Variants in PKHD1 observed in about 807,000 individuals in gnomAD.
The protein encoded by PKHD1 is fibrocystin.
In PKHD1, 291 loss-of-function variants were observed where a neutral mutation model predicts 412.0. The observed-to-expected ratio is 0.71, with a 90% CI of 0.64 to 0.78. PKHD1 has a LOEUF of 0.78. Among genes scored for constraint, PKHD1 ranks in the 30% least tolerant of loss-of-function variants. The probability of loss-of-function intolerance (pLI) is 0.00; values close to 1 mark genes in which losing one functional copy is unlikely to be tolerated. For missense variants in PKHD1, 4,825 were observed against 4,950.7 expected (o/e 0.97, Z 0.76); for synonymous variants, 1,777 against 1,821.5 (o/e 0.98, Z 0.62).
At chr6:51,697,518 G>A (rs1319783489) in intron 60 of PKHD1, among the ~76,000 whole-genome samples, 2 of 152,186 alleles carry the variant, frequency 1.3e-5, no homozygotes, top group Non-Finnish European at 1.5e-5. Flanking sequence ...AATTGTATGA[G>A]GCTGTTCTGT....
At chr6:51,814,843 A>G (rs1765202150) in intron 52 of PKHD1, among the ~76,000 whole-genome samples, 1 of 152,190 alleles carries the variant, frequency 6.6e-6, no homozygotes, top group South Asian at 2.1e-4. Flanking sequence ...TTCATCAAGA[A>G]AAGGAACGAA....
intron 31 of PKHD1, among the ~76,000 whole-genome samples, chr6:52,026,589 AACTT>A (rs1435449407): frequency 6.6e-6 from 1 of 152,194 alleles, no homozygotes; most frequent in Non-Finnish European, 1.5e-5. Context: ...GTATACATTC[AACTT>A]ATATGCTAAT....
chr6:51,883,346 C>G, intron 45 of PKHD1, 119 bp from the exon 46 acceptor site: 6 of 922,904 alleles, frequency 6.5e-6, no homozygotes, highest in South Asian at 4.2e-5. Flanking sequence ...ATTAAAGCAC[C>G]TTTTGTCCAT....
intron 53 of PKHD1, among the ~76,000 whole-genome samples, chr6:51,781,422 T>C (rs1791986275): frequency 6.6e-6 from 1 of 152,158 alleles, no homozygotes; most frequent in Non-Finnish European, 1.5e-5. Context: ...TCATTTTTAA[T>C]GAGGCCTCTC....
intron 54 of PKHD1, among the ~76,000 whole-genome samples, chr6:51,773,225 T>C (rs1314690880): frequency 1.3e-5 from 2 of 152,030 alleles, no homozygotes; most frequent in East Asian, 3.9e-4. Context: ...TTGGAGCTAT[T>C]AGCTTTATGT....
chr6:51,641,792 A>G (rs1769389847), intron 63 of PKHD1, among the ~76,000 whole-genome samples: 1 of 152,200 alleles, frequency 6.6e-6, no homozygotes, highest in African/African-American at 2.4e-5. Context: ...TAACACAGGA[A>G]CAGAAAACCA....
chr6:51,623,583 C>CTATTTTTT (rs1554164761), intron 66 of PKHD1, among the ~76,000 whole-genome samples: 5 of 151,756 alleles, frequency 3.3e-5, no homozygotes, highest in African/African-American at 9.7e-5. Context: ...TTTTATTTAT[C>CTATTTTTT]TATTTTTTTT....
chr6:52,055,476 G>A, intron 19 of PKHD1, 111 bp downstream of exon 19: 1 of 1,223,644 alleles, frequency 8.2e-7, no homozygotes, highest in Non-Finnish European at 1.2e-6. Context: ...GAAACACCTT[G>A]GGCAGATCAC....
chr6:51,778,033 A>C (rs1271639702), intron 53 of PKHD1, among the ~76,000 whole-genome samples: 3 of 152,130 alleles, frequency 2.0e-5, no homozygotes, highest in Non-Finnish European at 4.4e-5. Flanking sequence ...AATACATGCT[A>C]TTGCAACATA....
At chr6:51,718,681 T>C (rs1781552581) in intron 60 of PKHD1, among the ~76,000 whole-genome samples, 1 of 152,144 alleles carries the variant, frequency 6.6e-6, no homozygotes, top group Admixed American at 6.6e-5. Context: ...ATAGAGATGG[T>C]CTCAATGAAA....
In PKHD1 at chr6:51,847,792, C is replaced by T. The variant is rs794727747; in HGVS notation, c.8090G>A (p.Arg2697Lys). The change falls in exon 50 of 67, where the codon AGG becomes AAG. Residue 2697 changes from arginine to lysine, a missense_variant. Physicochemically the swap from Arg to Lys is conservative, Grantham distance 26. Transcript: ENST00000371117. ...ATACTTACCCAGATAGGTGAGTTGC[C>T]TCAGCTGGCTATTGAAGAACCAGTC... ...GCDWFFNSQL[R>K]QLTYLVSGEG... The T allele has an allele frequency of 6.2e-7, 1 of 1,613,522 alleles. No individual in the cohort carries two copies. Among genetic ancestry groups the T allele is most frequent in the Admixed American group, 1.7e-5 (1 of 60,014 alleles).
rs1286456861 is a variant in PKHD1 at position 51,791,344 on chromosome 6, G to A, written c.8332C>T (p.Pro2778Ser). 3.7e-6 allele frequency: 6 copies of A among 1,613,522 alleles called. No individual in the cohort carries two copies. In the Admixed American group the frequency reaches 1.0e-4, roughly 27 times the overall value. ...NRTVLVDTDL[P>S]FFKGLYVMGT... ...ATCACATACAGCCCTTTGAAGAATG[G>A]AAGATCTGTATCCACAAGGACAGTT... The change falls in exon 53 of 67, where the codon CCA becomes TCA. Residue 2778 changes from proline to serine, a missense_variant. Coordinates refer to ENST00000371117, the MANE Select transcript of PKHD1 (RefSeq NM_138694.4).
intron 65 of PKHD1, 49 bp downstream of exon 65, chr6:51,632,516 A>G: frequency 2.1e-6 from 3 of 1,455,688 alleles, no homozygotes; most frequent in Non-Finnish European, 2.9e-6. Context: ...ATGTATGATG[A>G]CTTTTTTTTC....
intron 50 of PKHD1, among the ~76,000 whole-genome samples, chr6:51,845,071 T>C (rs1241543959): frequency 6.6e-6 from 1 of 152,136 alleles, no homozygotes; most frequent in Non-Finnish European, 1.5e-5. Flanking sequence ...TACAATCTAA[T>C]CAATATATAA....
rs750754970 is a variant in PKHD1 at position 51,659,789 on chromosome 6, G to A, written c.10337C>T (p.Ala3446Val). 5 of 1,613,176 alleles carry A rather than the reference G, an allele frequency of 3.1e-6. No individual in the cohort carries two copies. In the Admixed American group the frequency reaches 8.3e-5, roughly 27 times the overall value. Residue 3446 changes from alanine to valine, a missense_variant, in exon 61 of 67, where the codon GCC becomes GTC. Transcript: ENST00000371117. The part of the protein sequence containing the change: ...GFVDVFSSVN[A>V]NIPCSTSGSV... ...CCCAGAAGTAGAGCAGGGAATATTGGCATTTACACTGCTAAAGACATCAAC... is the reference window on the plus strand; with the variant it reads ...CCCAGAAGTAGAGCAGGGAATATTGACATTTACACTGCTAAAGACATCAAC...
chr6:51,834,546 A>G (rs993683783), intron 51 of PKHD1, among the ~76,000 whole-genome samples: 1 of 152,084 alleles, frequency 6.6e-6, no homozygotes, highest in African/African-American at 2.4e-5. Context: ...GTGTTAACTC[A>G]TTCATTCATT....
At chr6:52,013,691 T>C (rs1337951177) in intron 34 of PKHD1, among the ~76,000 whole-genome samples, 2 of 152,074 alleles carry the variant, frequency 1.3e-5, no homozygotes, top group Admixed American at 6.5e-5. Flanking sequence ...ACATATTTAC[T>C]TTGGGGGATA....
At chr6:51,899,899 A>G (rs927819320) in intron 43 of PKHD1, among the ~76,000 whole-genome samples, 1 of 152,164 alleles carries the variant, frequency 6.6e-6, no homozygotes, top group African/African-American at 2.4e-5. Context: ...CCAAATCATG[A>G]GTGAACTCCC....
intron 36 of PKHD1, among the ~76,000 whole-genome samples, chr6:51,945,521 T>C (rs538375289): frequency 1.3e-5 from 2 of 152,346 alleles, no homozygotes; most frequent in East Asian, 1.9e-4. Flanking sequence ...CAGATGTGCA[T>C]GGGACACTAA....
Sources: gnomAD v4.1 joint callset for allele counts (sites outside exome capture counted in the v4.1 genomes callset) on GRCh38, gnomAD v4.1.1 for gene constraint, MANE v1.5 for transcripts, NCBI Gene and HGNC (gene_info 2026-07-23, HGNC 2026-07-21) for gene names.